CADM2: variants seen among roughly 807,000 people sequenced by gnomAD.
The protein encoded by CADM2 is immunoglobulin superfamily member 4D.
In CADM2, 12 loss-of-function variants were observed where a neutral mutation model predicts 49.8. The ratio of observed to expected loss-of-function variants is 0.24; its 90% CI spans 0.15 to 0.39. The LOEUF (loss-of-function observed/expected upper bound fraction) is 0.39. Among genes scored for constraint, CADM2 ranks in the 10% least tolerant of loss-of-function variants. CADM2 has a pLI of 1.00. For synonymous variants in CADM2, 214 were observed against 175.4 expected (o/e 1.22, Z -1.74); for missense variants, 378 against 492.3 (o/e 0.77, Z 2.20).
intron 1 of CADM2, among the ~76,000 whole-genome samples, chr3:85,630,845 C>G (rs1041448442): frequency 3.9e-5 from 6 of 151,908 alleles, no homozygotes; most frequent in Non-Finnish European, 7.4e-5. Context: ...CTCCACAGAG[C>G]AGTCAGAGAG....
In CADM2 at chr3:85,918,007, T is replaced by C. The variant is rs575242220; in HGVS notation, c.700+5464T>C. Among the ~76,000 whole-genome samples, 107 of 152,306 alleles carry C rather than the reference T, an allele frequency of 7.0e-4. No homozygotes were observed. In the Middle Eastern group the frequency reaches 0.014, roughly 19 times the overall value. ...TAAGAATGCTTGTGATTTTTGCACATTGATTTTGTGTCCTGAGACTTTGCT... is the reference window on the plus strand; with the variant it reads ...TAAGAATGCTTGTGATTTTTGCACACTGATTTTGTGTCCTGAGACTTTGCT... On this transcript the variant is annotated intron_variant, in intron 6 of 9. Coordinates refer to ENST00000383699, the MANE Select transcript of CADM2 (RefSeq NM_001167675.2).
At chr3:85,332,920 A>G (rs563768566) in intron 1 of CADM2, among the ~76,000 whole-genome samples, 149 of 152,028 alleles carry the variant, frequency 9.8e-4, no homozygotes, top group Non-Finnish European at 1.8e-3. Context: ...AGGATGAATT[A>G]ATAATAGATT....
intron 1 of CADM2, among the ~76,000 whole-genome samples, chr3:85,133,789 C>G (rs1311888594): frequency 6.6e-6 from 1 of 152,262 alleles, no homozygotes; most frequent in Non-Finnish European, 1.5e-5. Context: ...AGGAGCCCAG[C>G]TGGCTTCACC....
chr3:85,267,699 G>T (rs1253819798), intron 1 of CADM2, among the ~76,000 whole-genome samples: 1 of 151,382 alleles, frequency 6.6e-6, no homozygotes, highest in Non-Finnish European at 1.5e-5. Context: ...CTAATAATAT[G>T]CCTGATGCAA....
chr3:85,368,994 A>T (rs2033001287), intron 1 of CADM2, among the ~76,000 whole-genome samples: 1 of 152,094 alleles, frequency 6.6e-6, no homozygotes, highest in African/African-American at 2.4e-5. Context: ...GGAGAAAATT[A>T]AAAAATCTAA....
intron 1 of CADM2, among the ~76,000 whole-genome samples, chr3:85,436,600 A>T (rs558100634): frequency 6.6e-6 from 1 of 152,266 alleles, no homozygotes; most frequent in South Asian, 2.1e-4. Context: ...AAAAGTACAT[A>T]TTTAAAATAA....
chr3:85,179,687 T>C (rs2107701325), intron 1 of CADM2, among the ~76,000 whole-genome samples: 1 of 152,236 alleles, frequency 6.6e-6, no homozygotes, highest in African/African-American at 2.4e-5. Flanking sequence ...CTTTAAAACA[T>C]GGTTTTTGGA....
intron 1 of CADM2, among the ~76,000 whole-genome samples, chr3:85,348,964 C>T (rs1167730136): frequency 6.6e-6 from 1 of 152,046 alleles, no homozygotes; most frequent in Non-Finnish European, 1.5e-5. Context: ...ATATCTTGAT[C>T]TATTACCTAC....
intron 8 of CADM2, among the ~76,000 whole-genome samples, chr3:86,049,984 T>G (rs2107315641): frequency 6.6e-6 from 1 of 152,272 alleles, no homozygotes; most frequent in South Asian, 2.1e-4. Context: ...CAATCATGCT[T>G]TTCCAGAAGT....
At chr3:85,686,113 T>C (rs528802861) in intron 1 of CADM2, among the ~76,000 whole-genome samples, 2 of 152,348 alleles carry the variant, frequency 1.3e-5, no homozygotes, top group East Asian at 1.9e-4. Context: ...AGGCAGCTGT[T>C]AATTATAGCC....
At chr3:85,905,853 G>T (rs1268395708) in intron 5 of CADM2, among the ~76,000 whole-genome samples, 2 of 152,132 alleles carry the variant, frequency 1.3e-5, no homozygotes, top group Admixed American at 6.5e-5. Context: ...ATGGTACATA[G>T]AAATATTGTA....
intron 3 of CADM2, among the ~76,000 whole-genome samples, chr3:85,825,457 C>T (rs1224145927): frequency 1.3e-5 from 2 of 152,052 alleles, no homozygotes; most frequent in African/African-American, 4.8e-5. Context: ...TTCTACCCTA[C>T]AATATGCTGC....
chr3:85,656,053 T>C (rs867897452), intron 1 of CADM2, among the ~76,000 whole-genome samples: 5 of 152,070 alleles, frequency 3.3e-5, no homozygotes, highest in Middle Eastern at 3.2e-3. Context: ...TCTTAGAGCA[T>C]TGATATTCTG....
In CADM2 at chr3:86,065,567, A is replaced by G. The variant is rs535185712; in HGVS notation, c.971-38A>G. 3.2e-6 allele frequency: 5 copies of G among 1,582,724 alleles called. No homozygotes were observed. In the South Asian group the frequency reaches 5.8e-5, roughly 18 times the overall value. On this transcript the variant is annotated intron_variant, in intron 8 of 9. Coordinates refer to ENST00000383699, the MANE Select transcript of CADM2 (RefSeq NM_001167675.2). ...CAGTTATGTATTCTGTGACTAAATA[A>G]CACATTAAATAGAACAATATTTTCC...
chr3:85,077,389 T>C (rs2107490552), intron 1 of CADM2, among the ~76,000 whole-genome samples: 1 of 152,212 alleles, frequency 6.6e-6, no homozygotes, highest in East Asian at 1.9e-4. Context: ...TACAGAGCAA[T>C]ATTGTATCCA....
chr3:85,565,296 G>T (rs1576816499), intron 1 of CADM2, among the ~76,000 whole-genome samples: 1 of 151,972 alleles, frequency 6.6e-6, no homozygotes, highest in Non-Finnish European at 1.5e-5. Context: ...CTCTAAGAAG[G>T]TTTTAGAGTA....
chr3:85,925,763 T>C (rs1048731148), intron 6 of CADM2, among the ~76,000 whole-genome samples: 32 of 152,168 alleles, frequency 2.1e-4, no homozygotes, highest in African/African-American at 7.7e-4. Context: ...TTCGTATCAA[T>C]GCATACAGCG....
chr3:85,449,052 A>AAATAAGAATAAT (rs2037617990), intron 1 of CADM2, among the ~76,000 whole-genome samples: 1 of 107,406 alleles, frequency 9.3e-6, no homozygotes, highest in Admixed American at 1.1e-4. Flanking sequence ...TCCAACTCAA[A>AAATAAGAATAAT]AATAATAATA....
intron 1 of CADM2, among the ~76,000 whole-genome samples, chr3:85,521,055 A>T (rs2061016892): frequency 6.6e-6 from 1 of 152,096 alleles, no homozygotes. Context: ...TCCTATGTAA[A>T]CTCATAAAAT....
Sources: gnomAD v4.1 joint callset for allele counts (sites outside exome capture counted in the v4.1 genomes callset) on GRCh38, gnomAD v4.1.1 for gene constraint, MANE v1.5 for transcripts, NCBI Gene and HGNC (gene_info 2026-07-23, HGNC 2026-07-21) for gene names.